The following SLC1A6 variants were observed in gnomAD, a reference collection of about 807,000 sequenced individuals.
SLC1A6 encodes solute carrier family 1 member 6.
SLC1A6 carries 15 observed loss-of-function variants against 42.1 expected under a neutral mutation model. The observed-to-expected ratio is 0.36, with a 90% CI of 0.24 to 0.55. The LOEUF (loss-of-function observed/expected upper bound fraction) is 0.55. Among genes scored for constraint, SLC1A6 ranks in the 20% least tolerant of loss-of-function variants. The pLI, the probability that SLC1A6 is intolerant of heterozygous loss-of-function variation, is 0.88. For synonymous variants in SLC1A6, 317 were observed against 319.7 expected (o/e 0.99, Z 0.09); for missense variants, 542 against 772.5 (o/e 0.70, Z 3.54).
chr19:14,982,883 G>A (rs2045774889), upstream of SLC1A6, among the ~76,000 whole-genome samples: 1 of 152,062 alleles, frequency 6.6e-6, no homozygotes, highest in Admixed American at 6.6e-5. Context: ...CCTACTACAT[G>A]TTAACATAAA....
At chr19:14,967,173 A>C (rs987625845) in intron 4 of SLC1A6, among the ~76,000 whole-genome samples, 3 of 152,208 alleles carry the variant, frequency 2.0e-5, no homozygotes, top group Non-Finnish European at 2.9e-5. Context: ...ATATTCTAGC[A>C]GCAGCTGCTG....
intron 4 of SLC1A6, among the ~76,000 whole-genome samples, chr19:14,965,403 T>C (rs1474146875): frequency 6.6e-6 from 1 of 152,068 alleles, no homozygotes; most frequent in Non-Finnish European, 1.5e-5. Context: ...GGAAAAGAAG[T>C]CACTATATCA....
intron 9 of SLC1A6, among the ~76,000 whole-genome samples, chr19:14,951,331 T>A (rs2045411465): frequency 6.7e-6 from 1 of 150,174 alleles, no homozygotes; most frequent in South Asian, 2.1e-4. Context: ...GGTTATGAAC[T>A]GAAAAGCACA....
chr19:14,998,855 C>T (rs890991128), intron 1 of SLC1A6, among the ~76,000 whole-genome samples: 13 of 128,146 alleles, frequency 1.0e-4, no homozygotes, highest in African/African-American at 3.4e-4. Flanking sequence ...TGATAAGAAA[C>T]ATTTATTTAT....
chr19:14,966,485 T>C (rs1351644395), intron 4 of SLC1A6, among the ~76,000 whole-genome samples: 1 of 151,782 alleles, frequency 6.6e-6, no homozygotes, highest in South Asian at 2.1e-4. Flanking sequence ...AAAATAAAAA[T>C]AAAAACAATT....
chr19:14,961,851 A>C, intron 6 of SLC1A6, 151 bp downstream of exon 6: 1 of 1,126,692 alleles, frequency 8.9e-7, no homozygotes. Flanking sequence ...TCCCAGAAAG[A>C]CATGAATGAA....
intron 1 of SLC1A6, among the ~76,000 whole-genome samples, chr19:14,992,644 C>A (rs1417002040): frequency 6.8e-6 from 1 of 147,864 alleles, no homozygotes; most frequent in Non-Finnish European, 1.5e-5. Context: ...GGCTACAGAG[C>A]AAGACTCTGT....
chr19:14,959,934 C>CACAATATAA (rs1276245772), intron 6 of SLC1A6, among the ~76,000 whole-genome samples: 2 of 152,196 alleles, frequency 1.3e-5, no homozygotes, highest in African/African-American at 4.8e-5. Flanking sequence ...ACAGAACCTA[C>CACAATATAA]CACCTTGTGT....
chr19:14,989,593 C>G (rs2045809155), intron 1 of SLC1A6, among the ~76,000 whole-genome samples: 1 of 151,838 alleles, frequency 6.6e-6, no homozygotes, highest in Non-Finnish European at 1.5e-5. Context: ...GATAAGTGGT[C>G]AGGGGAATTC....
At chr19:14,968,664 C>T (rs1464269421) in intron 3 of SLC1A6, among the ~76,000 whole-genome samples, 157 bp from the exon 4 acceptor site, 1 of 151,372 alleles carries the variant, frequency 6.6e-6, no homozygotes, top group Non-Finnish European at 1.5e-5. Context: ...ATTACCCATT[C>T]ACCCGCACCA....
chr19:14,980,094 A>T (rs1482404028), upstream of SLC1A6: 1 of 152,296 alleles, frequency 6.6e-6, no homozygotes, highest in Non-Finnish European at 1.5e-5. Flanking sequence ...AGCCAGGGAG[A>T]GGGCTCCGCT....
At position 14,950,171 on chromosome 19, in the gene SLC1A6, TG is replaced by T. The variant is rs5827264; in HGVS notation, c.*23del. ...CTCCCCAGCCCCCTTCCCTCCTCTC[TG>T]GGGGGGCAGAGCTGGAGGCCCCTCA... is the stretch of plus-strand genomic sequence containing the variant. On this transcript the variant is annotated 3_prime_UTR_variant, in exon 10 of 10. Transcript: ENST00000594383. 0.26 allele frequency: 376,409 copies of T among 1,475,992 alleles called. 49,718 individuals are homozygous for T. Among genetic ancestry groups the T allele is most frequent in the East Asian group, 0.35 (14,165 of 40,538 alleles). The allele number at this position is 1,475,992 out of a possible 1,614,324, so 91.4% of individuals were successfully genotyped here.
chr19:14,996,901 G>T (rs1173048094), intron 1 of SLC1A6, among the ~76,000 whole-genome samples: 1 of 152,122 alleles, frequency 6.6e-6, no homozygotes, highest in Non-Finnish European at 1.5e-5. Context: ...ACCCCAGGTG[G>T]TGGATTTTTG....
chr19:14,984,682 C>T (rs2045784553), upstream of SLC1A6, among the ~76,000 whole-genome samples: 1 of 152,164 alleles, frequency 6.6e-6, no homozygotes, highest in Non-Finnish European at 1.5e-5. Context: ...GATTTTGAAA[C>T]CTCATGCATT....
intron 1 of SLC1A6, among the ~76,000 whole-genome samples, chr19:14,999,728 T>C (rs2045864188): frequency 6.6e-6 from 1 of 152,234 alleles, no homozygotes; most frequent in Admixed American, 6.5e-5. Flanking sequence ...TACTCTACCG[T>C]GGGGCAAAGT....
chr19:14,974,534 C>T (rs1335565311), intron 1 of SLC1A6: 1 of 151,792 alleles, frequency 6.6e-6, no homozygotes, highest in Non-Finnish European at 1.5e-5. Flanking sequence ...TACAGGGCGG[C>T]TCAGAAATTG....
intron 9 of SLC1A6, among the ~76,000 whole-genome samples, chr19:14,951,384 A>C (rs2045412137): frequency 6.6e-6 from 1 of 152,184 alleles, no homozygotes; most frequent in African/African-American, 2.4e-5. Flanking sequence ...GAGTCAATAC[A>C]GGTGTAGACT....
chr19:14,954,269 G>A lies in SLC1A6; in HGVS notation c.1230C>T (p.Arg410=). 1 of 1,613,584 alleles carries A rather than the reference G, an allele frequency of 6.2e-7. No homozygotes were observed. The change falls in exon 8 of 10, where the codon CGC becomes CGT. Residue 410 remains arginine (R), a synonymous_variant. Coordinates refer to ENST00000594383, the MANE Select transcript of SLC1A6 (RefSeq NM_005071.3). ...CLEEGLGVDR[R]ITRFVLPVGA... is the part of the protein sequence containing the mutation. Reference sequence around the variant, plus strand: ...CCACGGGCAGGACGAACCTGGTGATGCGGCGGTCCACACCCAGGCCCTCCT... The same window carrying A: ...CCACGGGCAGGACGAACCTGGTGATACGGCGGTCCACACCCAGGCCCTCCT...
intron 1 of SLC1A6, among the ~76,000 whole-genome samples, chr19:15,008,122 C>T (rs8182480): frequency 0.84 from 127,118 of 151,750 alleles, 53,374 homozygotes; most frequent in East Asian, 0.92. Context: ...GGTGGGAGGA[C>T]TGCTTGAGCC....
Sources: allele counts gnomAD v4.1 joint callset (sites outside exome capture counted in the v4.1 genomes callset), GRCh38; gene constraint gnomAD v4.1.1; transcripts MANE v1.5; gene names NCBI Gene and HGNC (gene_info 2026-07-23, HGNC 2026-07-21).